The following GLIPR1L1 variants were observed in gnomAD, a reference collection of about 807,000 sequenced individuals.
GLIPR1L1 encodes the protein GLIPR1-like protein 1.
GLIPR1L1 carries 26 observed loss-of-function variants against 29.9 expected under a neutral mutation model. The observed-to-expected ratio is 0.87, with a 90% CI of 0.64 to 1.21. The LOEUF is 1.21. Ranked by LOEUF, GLIPR1L1 falls within the 50% of genes most tolerant of loss-of-function variation. GLIPR1L1 has a pLI of 0.00. For missense variants in GLIPR1L1, 305 were observed against 290.3 expected (o/e 1.05, Z -0.37); for synonymous variants, 77 against 97.5 (o/e 0.79, Z 1.24).
In GLIPR1L1 at chr12:75,367,738, T is replaced by C. The variant is rs532248333; in HGVS notation, c.611-2222T>C. ...ATTTTATATGATGACAAATCATGTC[T>C]TCCGTTAAAAATAATGCGTTTTGTT... On this transcript the variant is annotated intron_variant, in intron 4 of 5. Coordinates refer to ENST00000378695, the MANE Select transcript of GLIPR1L1 (RefSeq NM_001304964.2). Among the ~76,000 whole-genome samples, 36 of 152,282 alleles carry C rather than the reference T, an allele frequency of 2.4e-4. No homozygotes were observed. In the South Asian group the frequency reaches 6.8e-3, roughly 29 times the overall value.
rs2042271520 is a variant in GLIPR1L1 at position 75,343,798 on chromosome 12, G to A, written c.280G>A (p.Glu94Lys). The A allele has an allele frequency of 6.2e-7, 1 of 1,613,216 alleles. No individual in the cohort carries two copies. The highest frequency in any genetic ancestry group is 8.5e-7 in the Non-Finnish European group (1 of 1,179,372). ...ATCATATAAATGCTATGCAGCTTTT[G>A]AATATGTTGGAGAAAATATCTGGTT... ...DKSYKCYAAF[E>K]YVGENIWLGG... is the part of the protein sequence containing the mutation. Residue 94 changes from glutamate (E) to lysine (K), a missense_variant, in exon 2 of 6, where the codon GAA becomes AAA. Physicochemically the swap from Glu to Lys is moderately conservative, Grantham distance 56. Coordinates refer to ENST00000378695, the MANE Select transcript of GLIPR1L1 (RefSeq NM_001304964.2).
rs776451476 is a variant in GLIPR1L1 at position 75,334,811 on chromosome 12, T to C, written c.83T>C (p.Ile28Thr). The change falls in exon 1 of 6, where the codon ATC becomes ACC. Residue 28 changes from isoleucine to threonine, a missense_variant. Physicochemically the swap from Ile to Thr is moderately conservative, Grantham distance 89. Coordinates refer to ENST00000378695, the MANE Select transcript of GLIPR1L1 (RefSeq NM_001304964.2). ...ACTACATCTTCCAAAATCCCATCCA[T>C]CACTGACCCACACTTTATAGACAAC... ...VATTSSKIPS[I>T]TDPHFIDNCI... 5 of 1,613,964 alleles carry C rather than the reference T, an allele frequency of 3.1e-6. No individual in the cohort carries two copies. The South Asian group carries it at 3.3e-5, about 11-fold the overall frequency.
chr12:75,338,882 G>C (rs980661121), intron 1 of GLIPR1L1, among the ~76,000 whole-genome samples: 12 of 152,158 alleles, frequency 7.9e-5, no homozygotes, highest in Admixed American at 5.2e-4. Flanking sequence ...TTAGTTTGCT[G>C]AGGATAATAG....
chr12:75,336,238 T>C (rs2041730126), intron 1 of GLIPR1L1, among the ~76,000 whole-genome samples: 1 of 151,810 alleles, frequency 6.6e-6, no homozygotes, highest in African/African-American at 2.4e-5. Context: ...ATCCAGTAAG[T>C]AGAATACTAA....
chr12:75,355,217 A>G (rs748221574), intron 3 of GLIPR1L1, among the ~76,000 whole-genome samples: 2 of 152,172 alleles, frequency 1.3e-5, no homozygotes, highest in Admixed American at 6.6e-5. Flanking sequence ...AGAAAATTTT[A>G]GCAATCTATC....
intron 1 of GLIPR1L1, among the ~76,000 whole-genome samples, chr12:75,343,308 A>G (rs1296104670): frequency 1.3e-5 from 2 of 151,832 alleles, no homozygotes; most frequent in Non-Finnish European, 1.5e-5. Flanking sequence ...TTTTCTTTCT[A>G]TTCCTAGTTT....
At chr12:75,367,522 ACCACAGGAAGG>A (rs2044060340) in intron 4 of GLIPR1L1, among the ~76,000 whole-genome samples, 2 of 54,384 alleles carry the variant, frequency 3.7e-5, no homozygotes, top group Admixed American at 4.4e-4. Context: ...CACGTCGTGT[ACCACAGGAAGG>A]TCTTGCACAT....
chr12:75,344,078 T>G, intron 2 of GLIPR1L1, 140 bp downstream of exon 2: 1 of 612,774 alleles, frequency 1.6e-6, no homozygotes, highest in Non-Finnish European at 2.7e-6. Context: ...TTGAGCAATT[T>G]AATAATAATA....
chr12:75,350,709 T>C (rs1010790522), intron 3 of GLIPR1L1, among the ~76,000 whole-genome samples: 4 of 152,004 alleles, frequency 2.6e-5, no homozygotes, highest in African/African-American at 9.7e-5. Flanking sequence ...GATTCAAAGA[T>C]CAAAGGTAGA....
rs1186952756 is a variant in GLIPR1L1 at position 75,370,486 on chromosome 12, C to A, written c.*310C>A. 5.3e-6 allele frequency: 1 copy of A among 190,298 alleles called. No homozygotes were observed. Among genetic ancestry groups the A allele is most frequent in the Admixed American group, 5.6e-5 (1 of 17,922 alleles). The allele number at this position is 190,298 out of a possible 1,614,324, so 11.8% of individuals were successfully genotyped here. A position where few individuals can be genotyped will look rare whatever the true frequency, so the allele number is the denominator to read the frequency against. On this transcript the variant is annotated 3_prime_UTR_variant, in exon 6 of 6. Coordinates refer to ENST00000378695, the MANE Select transcript of GLIPR1L1 (RefSeq NM_001304964.2). ...TACATTTAGAGAACTAAAGACTTTT[C>A]ACATATCAAATAGTTTCCTTAGATA... is the stretch of plus-strand genomic sequence containing the variant.
intron 3 of GLIPR1L1, among the ~76,000 whole-genome samples, chr12:75,359,387 T>TTTTTA (rs2043406206): frequency 7.1e-6 from 1 of 139,976 alleles, no homozygotes; most frequent in Non-Finnish European, 1.6e-5. Flanking sequence ...TTTTTTTTTT[T>TTTTTA]GCTGAATTGA....
intron 3 of GLIPR1L1, chr12:75,360,588 A>T (rs2043509936): frequency 6.6e-6 from 1 of 152,112 alleles, no homozygotes; most frequent in South Asian, 2.1e-4. Flanking sequence ...TGCTGATGGG[A>T]GAGGTGGGTT....
chr12:75,351,573 G>A (rs1303274065), intron 3 of GLIPR1L1, among the ~76,000 whole-genome samples: 1 of 149,826 alleles, frequency 6.7e-6, no homozygotes, highest in African/African-American at 2.5e-5. Flanking sequence ...TTGAGATGGA[G>A]TCCCACTCTG....
intron 3 of GLIPR1L1, chr12:75,360,958 C>G (rs1226932423): frequency 6.6e-6 from 1 of 152,162 alleles, no homozygotes; most frequent in Non-Finnish European, 1.5e-5. Flanking sequence ...CTTTCTTCCC[C>G]TTAGCTCAGA....
At position 75,336,713 on chromosome 12, in the gene GLIPR1L1, T is replaced by G. The variant is rs2041761239; in HGVS notation, c.174+1811T>G. On this transcript the variant is annotated intron_variant, in intron 1 of 5. Coordinates refer to ENST00000378695, the MANE Select transcript of GLIPR1L1 (RefSeq NM_001304964.2). The stretch of plus-strand genomic sequence containing the variant: ...ACAGTCATAGAGATTTTAATCTTAG[T>G]GAGTAAGAGAACAAGTAGGTAAAAA... Among the ~76,000 whole-genome samples, 2 of 151,558 alleles carry G rather than the reference T, an allele frequency of 1.3e-5. 1 individual carries two copies. Among genetic ancestry groups the G allele is most frequent in the South Asian group, 4.2e-4 (2 of 4,818 alleles).
chr12:75,355,157 C>T (rs999826834), intron 3 of GLIPR1L1, among the ~76,000 whole-genome samples: 4 of 152,140 alleles, frequency 2.6e-5, no homozygotes, highest in Admixed American at 1.3e-4. Context: ...AGAACTTCTA[C>T]ACAGCAAAAG....
At chr12:75,358,048 C>T (rs1193562179) in intron 3 of GLIPR1L1, among the ~76,000 whole-genome samples, 1 of 149,376 alleles carries the variant, frequency 6.7e-6, no homozygotes, top group African/African-American at 2.5e-5. Context: ...TTAAAAACAT[C>T]GATGAAAACT....
At position 75,334,959 on chromosome 12, in the gene GLIPR1L1, G is replaced by C. The variant is rs903171490; in HGVS notation, c.174+57G>C. On this transcript the variant is annotated intron_variant, in intron 1 of 5. Transcript: ENST00000378695. The stretch of plus-strand genomic sequence containing the variant: ...CCCTGACTCATCCTGAGGTATCTGG[G>C]TGATAAATTTCACGGACTTAACTTG... 73 of 1,501,986 alleles carry C rather than the reference G, an allele frequency of 4.9e-5. No individual in the cohort carries two copies. In the African/African-American group the frequency reaches 9.5e-4, roughly 20 times the overall value. The allele number at this position is 1,501,986 out of a possible 1,614,324, so 93.0% of individuals were successfully genotyped here.
At chr12:75,363,706 T>C (rs1171666311) in intron 4 of GLIPR1L1, among the ~76,000 whole-genome samples, 2 of 152,146 alleles carry the variant, frequency 1.3e-5, no homozygotes, top group African/African-American at 2.4e-5. Context: ...CAACAAAATA[T>C]CAAACTCTGT....
Sources: gnomAD v4.1 joint callset for allele counts (sites outside exome capture counted in the v4.1 genomes callset) on GRCh38, gnomAD v4.1.1 for gene constraint, MANE v1.5 for transcripts, NCBI Gene and HGNC (gene_info 2026-07-23, HGNC 2026-07-21) for gene names.